Variants in LRMDA observed in about 807,000 individuals in gnomAD.
LRMDA encodes leucine-rich melanocyte differentiation-associated protein.
LRMDA carries 18 observed loss-of-function variants against 29.8 expected under a neutral mutation model. The observed-to-expected ratio is 0.60, with a 90% confidence interval of 0.42 to 0.90. The LOEUF (loss-of-function observed/expected upper bound fraction) is 0.90, where lower values mean the gene tolerates loss of function less well. LRMDA is among the 40% of genes least tolerant of loss of function. The pLI, the probability that LRMDA is intolerant of heterozygous loss-of-function variation, is 0.00. For synonymous variants in LRMDA, 125 were observed against 109.4 expected (o/e 1.14, Z -0.89); for missense variants, 273 against 273.9 (o/e 1.00, Z 0.02).
intron 2 of LRMDA, among the ~76,000 whole-genome samples, chr10:75,711,103 A>G (rs936546299): frequency 5.3e-5 from 8 of 152,360 alleles, no homozygotes; most frequent in Admixed American, 1.3e-4. Context: ...TAAAACATCA[A>G]TCTCAAAGTT....
intron 6 of LRMDA, among the ~76,000 whole-genome samples, chr10:76,340,205 T>A (rs1211334849): frequency 1.3e-5 from 2 of 152,012 alleles, no homozygotes; most frequent in Admixed American, 1.3e-4. Context: ...TATATAAGGA[T>A]GATGTTACTA....
chr10:75,438,856 T>G (rs1844293097), intron 2 of LRMDA, among the ~76,000 whole-genome samples: 1 of 152,162 alleles, frequency 6.6e-6, no homozygotes, highest in Admixed American at 6.5e-5. Context: ...GCAAGAGTGT[T>G]TTGGGGTGTC....
intron 5 of LRMDA, among the ~76,000 whole-genome samples, chr10:76,226,596 GAAAAC>G (rs966145531): frequency 2.4e-4 from 36 of 151,994 alleles, no homozygotes; most frequent in Non-Finnish European, 2.1e-4. Context: ...AAAAAGAAAA[GAAAAC>G]AAAACAAAAC....
At chr10:75,832,523 G>T (rs1046106885) in intron 2 of LRMDA, among the ~76,000 whole-genome samples, 1 of 152,120 alleles carries the variant, frequency 6.6e-6, no homozygotes, top group African/African-American at 2.4e-5. Context: ...GAGCCCTCCA[G>T]ACTGTTCCAA....
chr10:76,097,506 A>C (rs1849331302), intron 5 of LRMDA, among the ~76,000 whole-genome samples: 1 of 152,234 alleles, frequency 6.6e-6, no homozygotes, highest in Non-Finnish European at 1.5e-5. Flanking sequence ...CCAGTCTTGA[A>C]AGGAAGACAG....
intron 2 of LRMDA, among the ~76,000 whole-genome samples, chr10:75,535,808 C>T (rs1191221285): frequency 6.6e-6 from 1 of 152,054 alleles, no homozygotes; most frequent in Non-Finnish European, 1.5e-5. Flanking sequence ...ATGCCCCCTG[C>T]CCTGGGAGGA....
At chr10:75,584,813 G>A (rs868783886) in intron 2 of LRMDA, among the ~76,000 whole-genome samples, 8 of 152,140 alleles carry the variant, frequency 5.3e-5, no homozygotes, top group African/African-American at 1.9e-4. Flanking sequence ...TGAGATTAGT[G>A]CCTTTTGATT....
In LRMDA at chr10:76,374,093, T is replaced by C. The variant is rs377178681; in HGVS notation, c.601+49608T>C. Among the ~76,000 whole-genome samples the C allele has an allele frequency of 7.2e-5, 11 of 152,326 alleles. No individual in the cohort carries two copies. The East Asian group carries it at 1.7e-3, about 24-fold the overall frequency. On this transcript the variant is annotated intron_variant, in intron 6 of 6. Transcript: ENST00000611255. ...ATTGTTACTATTCACCCCTCCCATG[T>C]TGACAATCATGATTTGCAGTTCACA...
At chr10:76,168,386 A>C (rs1850778002) in intron 5 of LRMDA, among the ~76,000 whole-genome samples, 1 of 152,182 alleles carries the variant, frequency 6.6e-6, no homozygotes, top group South Asian at 2.1e-4. Context: ...GAGAGAAAAA[A>C]ACATGCCTTG....
intron 5 of LRMDA, among the ~76,000 whole-genome samples, chr10:76,268,035 G>A (rs1213047703): frequency 6.6e-6 from 1 of 152,070 alleles, no homozygotes; most frequent in East Asian, 1.9e-4. Context: ...GCCACATATA[G>A]GCTGTCAATA....
intron 2 of LRMDA, among the ~76,000 whole-genome samples, chr10:75,510,397 G>C (rs191523934): frequency 3.3e-5 from 5 of 152,350 alleles, no homozygotes; most frequent in African/African-American, 1.2e-4. Context: ...CATAGATGCT[G>C]TTGGGTCCCT....
chr10:76,159,811 G>A (rs775742433), intron 5 of LRMDA, among the ~76,000 whole-genome samples: 2 of 152,154 alleles, frequency 1.3e-5, no homozygotes, highest in Non-Finnish European at 2.9e-5. Context: ...CTAGCTATAT[G>A]TCATTCTAGA....
At chr10:75,535,525 C>T (rs1258986335) in intron 2 of LRMDA, among the ~76,000 whole-genome samples, 1 of 152,114 alleles carries the variant, frequency 6.6e-6, no homozygotes, top group Non-Finnish European at 1.5e-5. Flanking sequence ...CTTTTATTTT[C>T]CCATCTCAAT....
At chr10:75,606,024 A>G (rs138934938) in intron 2 of LRMDA, among the ~76,000 whole-genome samples, 34 of 151,232 alleles carry the variant, frequency 2.2e-4, no homozygotes, top group Middle Eastern at 3.4e-3. Context: ...TGCTCAGCTA[A>G]TTTTTGTATT....
intron 5 of LRMDA, among the ~76,000 whole-genome samples, chr10:76,125,821 A>G (rs1056690242): frequency 1.3e-5 from 2 of 152,192 alleles, no homozygotes; most frequent in Non-Finnish European, 2.9e-5. Context: ...CTGTCTACTC[A>G]CAGAGCATAA....
intron 2 of LRMDA, among the ~76,000 whole-genome samples, chr10:75,709,706 C>A (rs886119823): frequency 1.3e-5 from 2 of 152,160 alleles, no homozygotes; most frequent in African/African-American, 4.8e-5. Flanking sequence ...TGCTCACATG[C>A]TTAGTTGTGT....
At chr10:76,239,021 T>C (rs1199498135) in intron 5 of LRMDA, among the ~76,000 whole-genome samples, 2 of 152,152 alleles carry the variant, frequency 1.3e-5, no homozygotes, top group African/African-American at 2.4e-5. Flanking sequence ...GTGAGATGGA[T>C]CAACCAGGCC....
chr10:76,340,158 G>A (rs996992979), intron 6 of LRMDA, among the ~76,000 whole-genome samples: 61 of 152,220 alleles, frequency 4.0e-4, no homozygotes, highest in African/African-American at 1.3e-3. Flanking sequence ...ATCAGTAAAT[G>A]TGTCATATTG....
intron 6 of LRMDA, among the ~76,000 whole-genome samples, chr10:76,441,823 T>C (rs1305270417): frequency 6.6e-6 from 1 of 152,182 alleles, no homozygotes; most frequent in African/African-American, 2.4e-5. Flanking sequence ...GTGGCTCCAA[T>C]AATCATAGGT....
Sources: allele counts gnomAD v4.1 joint callset (sites outside exome capture counted in the v4.1 genomes callset), GRCh38; gene constraint gnomAD v4.1.1; transcripts MANE v1.5; gene names NCBI Gene and HGNC (gene_info 2026-07-23, HGNC 2026-07-21).